The following NEAT1 variants were observed in gnomAD, a reference collection of about 807,000 sequenced individuals.
The protein encoded by NEAT1 is MENepsilon/beta.
chr11:65,432,567 A>G (rs915090392), exon 1 of NEAT1: 9 of 152,150 alleles, frequency 5.9e-5, no homozygotes, highest in Admixed American at 4.6e-4. Context: ...TTAATTATTT[A>G]CATTGATGAA....
exon 1 of NEAT1, chr11:65,426,466 A>G (rs993625839): frequency 6.6e-6 from 1 of 152,236 alleles, no homozygotes. Flanking sequence ...CGTCATGTAC[A>G]TAATTACTAA....
exon 1 of NEAT1, chr11:65,426,357 G>A (rs1355503867): frequency 6.6e-6 from 1 of 152,162 alleles, no homozygotes; most frequent in Non-Finnish European, 1.5e-5. Context: ...CATGTATGGG[G>A]AAGTAGTCTC....
rs112357832 is a variant in NEAT1 at position 65,427,247 on chromosome 11, C to T, written n.4450C>T. The T allele has an allele frequency of 5.9e-3, 902 of 152,434 alleles. 7 individuals are homozygous for T. Among genetic ancestry groups the T allele is most frequent in the African/African-American group, 0.021 (857 of 41,524 alleles). 9.4% of individuals were successfully genotyped at this position (152,434 alleles called of 1,614,324 possible). On this transcript the variant is annotated non_coding_transcript_exon_variant, in exon 1 of 1. Coordinates refer to ENST00000501122, the Ensembl canonical transcript of NEAT1. ...TTGCTTACAGGAGACAAACTTTGGG[C>T]GTAGAATGGAAGCCACTGCCAGCCT...
chr11:65,444,306 TGTGTGTGTGTGTGTGTAA>T (rs1856743957), exon 1 of NEAT1: 2 of 341,096 alleles, frequency 5.9e-6, no homozygotes, highest in Non-Finnish European at 5.8e-6. Flanking sequence ...TGTGTGTGTG[TGTGTGTGTGTGTGTGTAA>T]AAGAGAGAAG....
exon 1 of NEAT1, chr11:65,429,842 C>CT (rs1255182114): frequency 6.6e-6 from 1 of 152,156 alleles, no homozygotes; most frequent in African/African-American, 2.4e-5. Context: ...GTTGTGGAAT[C>CT]TGTGTTTGTG....
At chr11:65,425,058 G>A (rs1314846978) in exon 1 of NEAT1, 1 of 152,134 alleles carries the variant, frequency 6.6e-6, no homozygotes, top group African/African-American at 2.4e-5. Context: ...GGAATTCTCT[G>A]GGGCTTTGGG....
exon 1 of NEAT1, chr11:65,439,887 G>C (rs1029497590): frequency 1.3e-5 from 2 of 152,150 alleles, no homozygotes; most frequent in African/African-American, 4.8e-5. Flanking sequence ...TCTTTGTGTA[G>C]AATGTCAGCA....
chr11:65,427,518 C>T (rs1442042433), exon 1 of NEAT1: 3 of 152,206 alleles, frequency 2.0e-5, no homozygotes, highest in East Asian at 1.9e-4. Context: ...GACCCCTCCA[C>T]GTGTACACTA....
At chr11:65,426,119 A>G (rs537162800) in exon 1 of NEAT1, 11 of 152,280 alleles carry the variant, frequency 7.2e-5, no homozygotes, top group African/African-American at 2.6e-4. Context: ...GCGTCTATTG[A>G]ATTGGTAAAG....
At chr11:65,445,246 T>C (rs1204110426) in exon 1 of NEAT1, 1 of 152,244 alleles carries the variant, frequency 6.6e-6, no homozygotes, top group Non-Finnish European at 1.5e-5. Flanking sequence ...CAGTGCTCGG[T>C]CCCAGAGCAT....
exon 1 of NEAT1, chr11:65,437,354 CTT>C (rs1289207306): frequency 6.6e-6 from 1 of 151,326 alleles, no homozygotes; most frequent in Non-Finnish European, 1.5e-5. Context: ...TCTCCTAACT[CTT>C]TTTATTTTTA....
At chr11:65,432,538 ACACTC>A (rs576001263) in exon 1 of NEAT1, 5 of 152,158 alleles carry the variant, frequency 3.3e-5, no homozygotes, top group Non-Finnish European at 5.9e-5. Context: ...ATTACAATGA[ACACTC>A]CTCTCCATTT....
chr11:65,426,127 A>C (rs1856559145), exon 1 of NEAT1: 1 of 152,154 alleles, frequency 6.6e-6, no homozygotes, highest in African/African-American at 2.4e-5. Context: ...TGAATTGGTA[A>C]AGTAATACCA....
exon 1 of NEAT1, chr11:65,433,063 A>G (rs962377553): frequency 6.6e-6 from 1 of 150,622 alleles, no homozygotes; most frequent in African/African-American, 2.4e-5. Flanking sequence ...GCTAAGTCAT[A>G]TTCCATGGTG....
chr11:65,444,550 G>A (rs758938351), exon 1 of NEAT1: 28 of 493,298 alleles, frequency 5.7e-5, no homozygotes, highest in Non-Finnish European at 3.8e-5. Flanking sequence ...GCCAGGACAG[G>A]ACTCTCAAAT....
chr11:65,441,960 C>T (rs926498342), exon 1 of NEAT1: 5 of 152,204 alleles, frequency 3.3e-5, no homozygotes, highest in Admixed American at 6.5e-5. Flanking sequence ...GCTGTGGCCA[C>T]GCTGGTTCCT....
chr11:65,428,356 T>G (rs1264714537), exon 1 of NEAT1: 1 of 152,084 alleles, frequency 6.6e-6, no homozygotes, highest in East Asian at 1.9e-4. Context: ...AACGGCCTGT[T>G]GTTACAAAAA....
At chr11:65,444,671 T>G (rs964526936) in exon 1 of NEAT1, 15 of 370,324 alleles carry the variant, frequency 4.1e-5, no homozygotes, top group African/African-American at 3.2e-4. Context: ...GAGGGTGGCC[T>G]GGGGCAAGTA....
exon 1 of NEAT1, chr11:65,437,238 T>C (rs1002659857): frequency 1.4e-5 from 2 of 146,578 alleles, no homozygotes; most frequent in Non-Finnish European, 3.0e-5. Flanking sequence ...CATATATATA[T>C]ACATATATAT....
Sources: gnomAD v4.1 joint callset for allele counts on GRCh38, gnomAD v4.1.1 for gene constraint, MANE v1.5 for transcripts, NCBI Gene and HGNC (gene_info 2026-07-23, HGNC 2026-07-21) for gene names.